The following HMCN2 variants were observed in gnomAD, a reference collection of about 807,000 sequenced individuals.
HMCN2 encodes hemicentin-2.
HMCN2 carries 325 observed loss-of-function variants against 377.5 expected under a neutral mutation model. That is an observed-to-expected ratio of 0.86 (90% CI 0.79 to 0.94). HMCN2 has a LOEUF of 0.94. Among genes scored for constraint, HMCN2 ranks in the 40% least tolerant of loss-of-function variants. The pLI, the probability that HMCN2 is intolerant of heterozygous loss-of-function variation, is 0.00. For missense variants in HMCN2, 4,543 were observed against 4,725.3 expected (o/e 0.96, Z 1.13); for synonymous variants, 2,007 against 2,046.8 (o/e 0.98, Z 0.53).
chr9:130,290,142 A>G (rs1445508811), intron 4 of HMCN2, among the ~76,000 whole-genome samples: 2 of 152,306 alleles, frequency 1.3e-5, no homozygotes, highest in Non-Finnish European at 2.9e-5. Flanking sequence ...CATTGCCTTC[A>G]CCAGATGAAC....
rs546216108 is a variant in HMCN2, at chr9:130,300,186, C to T, written c.1276+898C>T. Among the ~76,000 whole-genome samples, 115 of 152,202 alleles carry T rather than the reference C, an allele frequency of 7.6e-4. 1 individual carries two copies. The highest frequency in any genetic ancestry group is 6.8e-3 in the Middle Eastern group (2 of 294). On this transcript the variant is annotated intron_variant, in intron 8 of 97. Transcript: ENST00000683500. ...ATCCATCTATCCATTCATTCATCCA[C>T]TCACCCATCCATCTACCCACCCATT...
intron 39 of HMCN2, 37 bp from the exon 40 acceptor site, chr9:130,362,830 A>G (rs543057635): frequency 2.0e-6 from 2 of 985,656 alleles, no homozygotes. Flanking sequence ...CAACAGCAGG[A>G]CAGTTGCCTA....
chr9:130,427,002 A>G (rs181419722), intron 90 of HMCN2, among the ~76,000 whole-genome samples: 1 of 152,038 alleles, frequency 6.6e-6, no homozygotes, highest in East Asian at 1.9e-4. Context: ...CATTGCTGCT[A>G]TGGTCTCAGG....
intron 80 of HMCN2, 36 bp downstream of exon 80, chr9:130,403,911 A>G: frequency 7.8e-7 from 1 of 1,278,686 alleles, no homozygotes; most frequent in African/African-American, 1.5e-5. Flanking sequence ...GGGCCCTGGC[A>G]ACTGAGGGGC....
chr9:130,393,979 C>A lies in HMCN2; in HGVS notation c.10472C>A (p.Ala3491Asp). 7.8e-7 allele frequency: 1 copy of A among 1,274,804 alleles called. No homozygotes were observed. Among genetic ancestry groups the A allele is most frequent in the South Asian group, 1.3e-5 (1 of 79,050 alleles). 79.0% of individuals were successfully genotyped at this position (1,274,804 alleles called of 1,614,324 possible). ...GTGGCCGTGAGCGAGGCGGGGGAAG[C>A]CAGGAGGCATTTCCAGCTGACCGTC... is the stretch of plus-strand genomic sequence containing the variant. ...SCVAVSEAGEARRHFQLTVME... is the reference protein window; with the variant it reads ...SCVAVSEAGEDRRHFQLTVME... The change falls in exon 68 of 98, where the codon GCC becomes GAC. Residue 3491 changes from alanine to aspartate, a missense_variant. This residue lies in a region of HMCN2 where 1,073 missense variants were observed against 1,319.5 expected (regional missense o/e 0.81). Transcript: ENST00000683500. The surrounding 1 kb of genome is among the most constrained non-coding windows in gnomAD (Gnocchi z 5.2).
intron 85 of HMCN2, among the ~76,000 whole-genome samples, chr9:130,417,819 G>A (rs1356305436): frequency 6.6e-6 from 1 of 152,234 alleles, no homozygotes; most frequent in Non-Finnish European, 1.5e-5. Flanking sequence ...TCTGCAGGAA[G>A]CGAACACACA....
rs371404788 is a variant in HMCN2 at position 130,369,031 on chromosome 9, C to A, written c.6788-539C>A. Among the ~76,000 whole-genome samples the A allele has an allele frequency of 2.0e-5, 3 of 152,132 alleles. No homozygotes were observed. Among genetic ancestry groups the A allele is most frequent in the African/African-American group, 7.2e-5 (3 of 41,408 alleles). The stretch of plus-strand genomic sequence containing the variant: ...GGGGCAGCAGCACAGTCCCTAAGGG[C>A]CCCCCAGTGGTCCAGAGGAGAAAAG... On this transcript the variant is annotated intron_variant, in intron 44 of 97. Coordinates refer to ENST00000683500, the MANE Select transcript of HMCN2 (RefSeq NM_001291815.2). This position sits in a 1 kb window ranked among gnomAD's most constrained non-coding sequence, Gnocchi z 4.5.
intron 22 of HMCN2, among the ~76,000 whole-genome samples, chr9:130,329,979 C>T (rs1347853333): frequency 6.9e-6 from 1 of 145,604 alleles, no homozygotes; most frequent in Non-Finnish European, 1.5e-5. Flanking sequence ...TCCCCCCCTT[C>T]CCTACATCCT....
intron 32 of HMCN2, 87 bp downstream of exon 32, chr9:130,355,131 G>A (rs1485999284): frequency 6.4e-6 from 7 of 1,086,692 alleles, no homozygotes; most frequent in African/African-American, 1.7e-5. Flanking sequence ...AGAGCTCCTG[G>A]AGTGGAGGGA....
intron 73 of HMCN2, among the ~76,000 whole-genome samples, chr9:130,396,918 A>G (rs1350071798): frequency 6.6e-6 from 1 of 152,204 alleles, no homozygotes; most frequent in Non-Finnish European, 1.5e-5. Context: ...CAAGCCCAGG[A>G]GGGTGCTGGA....
chr9:130,316,292 T>C (rs1837557491), intron 15 of HMCN2, among the ~76,000 whole-genome samples: 1 of 149,886 alleles, frequency 6.7e-6, no homozygotes, highest in African/African-American at 2.5e-5. Context: ...GGCTGGGGAG[T>C]TGTGGAGGTG....
At chr9:130,295,969 A>G (rs1351508121) in intron 6 of HMCN2, among the ~76,000 whole-genome samples, 197 bp downstream of exon 6, 1 of 152,210 alleles carries the variant, frequency 6.6e-6, no homozygotes, top group Non-Finnish European at 1.5e-5. Context: ...AGGAAGAAAT[A>G]GAGTGGTTTG....
intron 3 of HMCN2, 67 bp from the exon 4 acceptor site, chr9:130,286,121 T>C (rs1835397824): frequency 2.2e-6 from 1 of 462,760 alleles, no homozygotes; most frequent in Non-Finnish European, 4.5e-6. Flanking sequence ...CTGGTCGAGG[T>C]CCTGCTGCTC....
In HMCN2 at chr9:130,420,618, TGGGTCTCTCTCCCA is replaced by T. The variant is rs536544957; in HGVS notation, c.13231+1584_13231+1597del. ...TGAACACTGTGGGGAGGATCTGGTC[TGGGTCTCTCTCCCA>T]GGGTCTTGGTGGTGGTCCTCGGCAT... On this transcript the variant is annotated intron_variant, in intron 86 of 97. Transcript: ENST00000683500. 2.2e-4 allele frequency among the ~76,000 whole-genome samples: 33 copies of T among 152,238 alleles called. No homozygotes were observed. In the East Asian group the frequency reaches 6.2e-3, roughly 28 times the overall value.
At chr9:130,368,115 G>T (rs1840794467) in intron 43 of HMCN2, among the ~76,000 whole-genome samples, 161 bp from the exon 44 acceptor site, 2 of 152,004 alleles carry the variant, frequency 1.3e-5, no homozygotes, top group South Asian at 4.1e-4. Flanking sequence ...ACCAGAAGTG[G>T]CACTCATGGA....
At chr9:130,290,003 G>T (rs1554929429) in intron 4 of HMCN2, among the ~76,000 whole-genome samples, 1 of 152,200 alleles carries the variant, frequency 6.6e-6, no homozygotes, top group Non-Finnish European at 1.5e-5. Flanking sequence ...CTGCTGCGAA[G>T]GGTCGAGCAG....
rs192586451 is a variant in HMCN2 at position 130,358,408 on chromosome 9, A to T, written c.5599A>T (p.Arg1867Trp). ...CCTCCAGATTGAGAAGGTGGACCTG[A>T]GGGACGAGGGCATCTACACTTGTGC... is the stretch of plus-strand genomic sequence containing the variant. Reference protein sequence around the residue: ...GNLQIEKVDLRDEGIYTCAAT... With the variant: ...GNLQIEKVDLWDEGIYTCAAT... Residue 1867 changes from arginine (R) to tryptophan (W), a missense_variant, in exon 36 of 98, where the codon AGG becomes TGG. Physicochemically the swap from Arg to Trp is moderately radical, Grantham distance 101. This residue lies in a region of HMCN2 where 1,032 missense variants were observed against 1,285.1 expected (regional missense o/e 0.80). Transcript: ENST00000683500. 3.9e-4 allele frequency: 503 copies of T among 1,303,994 alleles called. 4 individuals carry two copies. In the East Asian group the frequency reaches 0.023, roughly 60 times the overall value. The allele number at this position is 1,303,994 out of a possible 1,614,324, so 80.8% of individuals were successfully genotyped here.
intron 1 of HMCN2, among the ~76,000 whole-genome samples, chr9:130,269,819 T>G (rs1554920503): frequency 6.8e-6 from 1 of 147,886 alleles, no homozygotes; most frequent in Non-Finnish European, 1.5e-5. Context: ...TGTTTGTTTG[T>G]TTGTTTTTTG....
chr9:130,402,373 G>A (rs1842894039), intron 77 of HMCN2, among the ~76,000 whole-genome samples: 3 of 152,258 alleles, frequency 2.0e-5, no homozygotes, highest in Non-Finnish European at 4.4e-5. Flanking sequence ...ATAAAGGGAG[G>A]AGAGGAGGCA....
Sources: gnomAD v4.1 joint callset for allele counts (sites outside exome capture counted in the v4.1 genomes callset) on GRCh38, gnomAD v4.1.1 for gene constraint, gnomAD v4.1.1 regional missense constraint, Gnocchi (gnomAD v3.1) non-coding constraint, MANE v1.5 for transcripts, NCBI Gene and HGNC (gene_info 2026-07-23, HGNC 2026-07-21) for gene names.